ITPRID1: variants seen among roughly 807,000 people sequenced by gnomAD.
ITPRID1 encodes ITPR interacting domain containing 1, also known as protein ITPRID1.
Under a neutral mutation model 95.4 loss-of-function variants are expected in ITPRID1, and 96 were observed. The ratio of observed to expected loss-of-function variants is 1.01; its 90% CI spans 0.85 to 1.19. ITPRID1 has a LOEUF of 1.19. ITPRID1 is among the 50% of genes most tolerant of loss of function. ITPRID1 has a pLI of 0.00. For synonymous variants in ITPRID1, 510 were observed against 453.6 expected (o/e 1.12, Z -1.58); for missense variants, 1,339 against 1,252.9 (o/e 1.07, Z -1.04).
At chr7:31,549,041 A>T (rs915120208) in intron 1 of ITPRID1, among the ~76,000 whole-genome samples, 5 of 152,130 alleles carry the variant, frequency 3.3e-5, no homozygotes, top group Admixed American at 2.6e-4. Context: ...CATGGATGAG[A>T]TGTAGACAGG....
At chr7:31,560,836 A>G (rs1784598740) in intron 5 of ITPRID1, among the ~76,000 whole-genome samples, 1 of 152,198 alleles carries the variant, frequency 6.6e-6, no homozygotes, top group Non-Finnish European at 1.5e-5. Flanking sequence ...TCTGGAGTTC[A>G]GAGGAAAGGT....
intron 5 of ITPRID1, among the ~76,000 whole-genome samples, chr7:31,558,631 T>C (rs1255155983): frequency 6.6e-6 from 1 of 152,320 alleles, no homozygotes; most frequent in African/African-American, 2.4e-5. Context: ...TAGTTTGTAC[T>C]TAAAATTGTC....
Position 31,543,945 on chromosome 7 carries a change from A to C in ITPRID1, c.-97-5481A>C, listed in dbSNP as rs149642828. Among the ~76,000 whole-genome samples, 3 of 152,136 alleles carry C rather than the reference A, an allele frequency of 2.0e-5. No individual in the cohort carries two copies. In the East Asian group the frequency reaches 5.8e-4, roughly 29 times the overall value. ...TCAATTTTGAGGTAGTTTTTGATCT[A>C]GATTAGTTTTTTGCATGTGATGTCC... On this transcript the variant is annotated intron_variant, in intron 1 of 14. Transcript: ENST00000615280.
At chr7:31,563,168 T>C (rs1308488548) in intron 5 of ITPRID1, among the ~76,000 whole-genome samples, 1 of 152,162 alleles carries the variant, frequency 6.6e-6, no homozygotes, top group Admixed American at 6.5e-5. Context: ...GAAGGAGGAA[T>C]ATGGTTTTTA....
chr7:31,614,407 T>G (rs1235508490), intron 10 of ITPRID1, among the ~76,000 whole-genome samples: 1 of 152,154 alleles, frequency 6.6e-6, no homozygotes, highest in East Asian at 1.9e-4. Flanking sequence ...GTTTCAGATT[T>G]ACACTTATTC....
chr7:31,581,444 A>G (rs890218368), intron 9 of ITPRID1, among the ~76,000 whole-genome samples: 1 of 152,146 alleles, frequency 6.6e-6, no homozygotes, highest in Non-Finnish European at 1.5e-5. Flanking sequence ...AATTTGTGCA[A>G]TTGTAAACTC....
intron 10 of ITPRID1, among the ~76,000 whole-genome samples, chr7:31,624,099 C>T (rs1473145615): frequency 7.3e-5 from 11 of 150,782 alleles, no homozygotes; most frequent in African/African-American, 2.7e-4. Context: ...GAACTACAAA[C>T]CACTGCTCAA....
At chr7:31,605,573 T>C (rs1334730871) in intron 10 of ITPRID1, among the ~76,000 whole-genome samples, 1 of 152,190 alleles carries the variant, frequency 6.6e-6, no homozygotes, top group Non-Finnish European at 1.5e-5. Flanking sequence ...TTGTCTCCTG[T>C]AGCAAACATC....
chr7:31,580,736 A>T (rs1399244858), intron 9 of ITPRID1, among the ~76,000 whole-genome samples: 1 of 152,164 alleles, frequency 6.6e-6, no homozygotes, highest in Admixed American at 6.5e-5. Context: ...AATTGAGTGA[A>T]CATCCAAAGA....
intron 1 of ITPRID1, among the ~76,000 whole-genome samples, chr7:31,520,550 TGTGTGTGTGTGTGTGA>T (rs936823607): frequency 2.5e-5 from 2 of 81,628 alleles, no homozygotes; most frequent in African/African-American, 1.3e-4. Context: ...TGTGTGTGTG[TGTGTGTGTGTGTGTGA>T]GAGAGAGAGA....
chr7:31,548,098 T>C (rs1431534620), intron 1 of ITPRID1, among the ~76,000 whole-genome samples: 1 of 151,502 alleles, frequency 6.6e-6, no homozygotes, highest in Non-Finnish European at 1.5e-5. Context: ...AATCTATGAG[T>C]AGAATAGAGG....
In ITPRID1 at chr7:31,549,493, A is replaced by T; in HGVS notation, c.-30A>T. 2 of 1,525,408 alleles carry T rather than the reference A, an allele frequency of 1.3e-6. No individual in the cohort carries two copies. Among genetic ancestry groups the T allele is most frequent in the South Asian group, 2.5e-5 (2 of 81,484 alleles). 94.5% of individuals were successfully genotyped at this position (1,525,408 alleles called of 1,614,324 possible). ...GGAAAAAGAAAGAAAACTGACCAAT[A>T]TGAGTGGTGATTGTTTTGGATATAT... On this transcript the variant is annotated 5_prime_UTR_variant, in exon 2 of 15. It removes an upstream start codon present in the reference 5' UTR. Transcript: ENST00000615280.
intron 1 of ITPRID1, among the ~76,000 whole-genome samples, chr7:31,515,485 G>C (rs1251860451): frequency 6.6e-6 from 1 of 152,156 alleles, no homozygotes; most frequent in Non-Finnish European, 1.5e-5. Context: ...TGAGACAGGA[G>C]AATCGCTTGA....
chr7:31,643,131 C>A lies in ITPRID1; in HGVS notation c.1761C>A (p.Gly587=). 1.9e-6 allele frequency: 3 copies of A among 1,613,922 alleles called. No homozygotes were observed. The South Asian group carries it at 3.3e-5, about 18-fold the overall frequency. The change falls in exon 12 of 15, where the codon GGC becomes GGA. Residue 587 remains glycine, a synonymous_variant. Transcript: ENST00000615280. ...QDSFVRPEGA[G]KVQSHHNESQ... ...GTTTTGTGAGGCCTGAGGGAGCTGGCAAAGTGCAAAGCCACCACAATGAGT... is the reference window on the plus strand; with the variant it reads ...GTTTTGTGAGGCCTGAGGGAGCTGGAAAAGTGCAAAGCCACCACAATGAGT...
chr7:31,648,901 C>T (rs1490476945), intron 12 of ITPRID1, among the ~76,000 whole-genome samples: 1 of 152,168 alleles, frequency 6.6e-6, no homozygotes, highest in Non-Finnish European at 1.5e-5. Context: ...CATTTTTTGA[C>T]CACAGACAAG....
intron 7 of ITPRID1, 136 bp from the exon 8 acceptor site, chr7:31,574,404 C>T (rs1417331002): frequency 4.0e-6 from 3 of 750,690 alleles, no homozygotes; most frequent in Non-Finnish European, 6.7e-6. Flanking sequence ...TATAGGAACG[C>T]TAGTGCACGC....
intron 13 of ITPRID1, 93 bp downstream of exon 13, chr7:31,651,362 C>A (rs1790933971): frequency 1.4e-6 from 2 of 1,407,980 alleles, no homozygotes; most frequent in African/African-American, 1.5e-5. Flanking sequence ...CACCCTGGAG[C>A]AGAGCTAATG....
chr7:31,536,765 C>G (rs1783770515), intron 1 of ITPRID1, among the ~76,000 whole-genome samples: 1 of 152,040 alleles, frequency 6.6e-6, no homozygotes, highest in South Asian at 2.1e-4. Flanking sequence ...AGAACCTTCC[C>G]TTTATCAGGG....
intron 2 of ITPRID1, chr7:31,551,999 C>T: frequency 2.6e-6 from 1 of 378,190 alleles, no homozygotes; most frequent in Non-Finnish European, 5.3e-6. Flanking sequence ...CTACTATGTG[C>T]CAAAAATCCA....
Sources: allele counts gnomAD v4.1 joint callset (sites outside exome capture counted in the v4.1 genomes callset), GRCh38; gene constraint gnomAD v4.1.1; transcripts MANE v1.5; gene names NCBI Gene and HGNC (gene_info 2026-07-23, HGNC 2026-07-21).